Variants in RSU1 observed in about 807,000 individuals in gnomAD.
RSU1 encodes Ras suppressor protein 1, also known as rsu-1.
In RSU1, 26 loss-of-function variants were observed where a neutral mutation model predicts 31.1. The ratio of observed to expected loss-of-function variants is 0.84; its 90% confidence interval spans 0.61 to 1.16. RSU1 has a LOEUF of 1.16. RSU1 is among the 50% of genes most tolerant of loss of function. RSU1 has a pLI of 0.00. For missense variants in RSU1, 320 were observed against 339.1 expected (o/e 0.94, Z 0.44); for synonymous variants, 164 against 136.3 (o/e 1.20, Z -1.41).
chr10:16,748,832 C>T (rs1307241959), intron 7 of RSU1, among the ~76,000 whole-genome samples: 1 of 152,094 alleles, frequency 6.6e-6, no homozygotes, highest in African/African-American at 2.4e-5. Context: ...CTCTGATTAC[C>T]CGTTCCCCAG....
intron 7 of RSU1, chr10:16,721,775 T>G (rs1377319791): frequency 2.0e-5 from 3 of 152,182 alleles, no homozygotes; most frequent in Non-Finnish European, 1.5e-5. Context: ...ACATTGCCAT[T>G]AGAATCCCAG....
chr10:16,633,053 C>T (rs1332238877), intron 8 of RSU1, among the ~76,000 whole-genome samples: 1 of 152,112 alleles, frequency 6.6e-6, no homozygotes, highest in African/African-American at 2.4e-5. Flanking sequence ...CTGAGATGTT[C>T]TGGGTCAAAT....
At chr10:16,684,340 A>G (rs1835397696) in intron 8 of RSU1, among the ~76,000 whole-genome samples, 1 of 152,218 alleles carries the variant, frequency 6.6e-6, no homozygotes, top group African/African-American at 2.4e-5. Flanking sequence ...ATAAGAATTT[A>G]TGGTTAGTAG....
At chr10:16,730,104 G>A (rs1406885280) in intron 7 of RSU1, among the ~76,000 whole-genome samples, 2 of 152,168 alleles carry the variant, frequency 1.3e-5, no homozygotes, top group Non-Finnish European at 2.9e-5. Context: ...ATAGATGACA[G>A]CGAGAGGATG....
intron 8 of RSU1, among the ~76,000 whole-genome samples, chr10:16,644,504 A>G (rs1264722513): frequency 1.3e-5 from 2 of 152,224 alleles, no homozygotes; most frequent in Non-Finnish European, 2.9e-5. Flanking sequence ...GTGCTATAAC[A>G]GACTTTACAT....
intron 7 of RSU1, among the ~76,000 whole-genome samples, chr10:16,732,335 C>G (rs1836531574): frequency 6.6e-6 from 1 of 152,102 alleles, no homozygotes; most frequent in African/African-American, 2.4e-5. Context: ...TATGTTAAAG[C>G]CCTAAGTGCT....
At chr10:16,687,439 A>G (rs1347179150) in intron 8 of RSU1, among the ~76,000 whole-genome samples, 1 of 152,244 alleles carries the variant, frequency 6.6e-6, no homozygotes. Flanking sequence ...TGAATAAATT[A>G]TGAAAATGCA....
chr10:16,730,422 G>C (rs570364917), intron 7 of RSU1, among the ~76,000 whole-genome samples: 2 of 152,154 alleles, frequency 1.3e-5, no homozygotes, highest in African/African-American at 4.8e-5. Context: ...ATCAGAAGGC[G>C]TGAGAAGCCA....
intron 8 of RSU1, among the ~76,000 whole-genome samples, chr10:16,690,645 A>G (rs574430112): frequency 3.3e-5 from 5 of 152,344 alleles, no homozygotes; most frequent in African/African-American, 9.6e-5. Context: ...GGAGTCCATT[A>G]GAGCCTATAA....
chr10:16,614,354 G>A (rs941718968), intron 8 of RSU1, among the ~76,000 whole-genome samples: 8 of 151,944 alleles, frequency 5.3e-5, no homozygotes, highest in South Asian at 2.1e-4. Flanking sequence ...GATGGTGACC[G>A]GAGGCTGGAA....
At chr10:16,615,641 G>A (rs1038125540) in intron 8 of RSU1, among the ~76,000 whole-genome samples, 3 of 152,096 alleles carry the variant, frequency 2.0e-5, no homozygotes, top group African/African-American at 4.8e-5. Context: ...GAACTAAAAC[G>A]CTCCTCAGCA....
intron 7 of RSU1, among the ~76,000 whole-genome samples, chr10:16,750,394 C>G (rs1243722631): frequency 2.0e-5 from 3 of 151,192 alleles, no homozygotes; most frequent in Non-Finnish European, 4.4e-5. Context: ...CCTTCCCCCT[C>G]AATTCTACAC....
chr10:16,815,331 C>T (rs778896799), intron 2 of RSU1, among the ~76,000 whole-genome samples: 39 of 152,290 alleles, frequency 2.6e-4, no homozygotes, highest in Non-Finnish European at 5.4e-4. Flanking sequence ...TTCCTTCTGC[C>T]AAGACATATC....
intron 3 of RSU1, among the ~76,000 whole-genome samples, chr10:16,767,667 G>C (rs1837341247): frequency 6.6e-6 from 1 of 152,092 alleles, no homozygotes; most frequent in African/African-American, 2.4e-5. Flanking sequence ...CTTCTGGATG[G>C]GATGGTATTC....
At chr10:16,605,965 T>C (rs1833797924) in intron 8 of RSU1, among the ~76,000 whole-genome samples, 2 of 151,730 alleles carry the variant, frequency 1.3e-5, no homozygotes, top group Admixed American at 1.3e-4. Flanking sequence ...TGCCTAATTT[T>C]TTTTCATAAA....
At chr10:16,734,867 T>G (rs961937822) in intron 7 of RSU1, among the ~76,000 whole-genome samples, 1 of 152,144 alleles carries the variant, frequency 6.6e-6, no homozygotes, top group Non-Finnish European at 1.5e-5. Flanking sequence ...TGAGGTCATA[T>G]GAGTGGATCT....
At chr10:16,787,787 T>C (rs1837825403) in intron 2 of RSU1, among the ~76,000 whole-genome samples, 1 of 152,228 alleles carries the variant, frequency 6.6e-6, no homozygotes, top group Non-Finnish European at 1.5e-5. Context: ...GTGAGTCCAT[T>C]AAACCTCTCT....
intron 8 of RSU1, among the ~76,000 whole-genome samples, chr10:16,650,016 C>G (rs7920932): frequency 0.67 from 101,538 of 152,076 alleles, 34,712 homozygotes; most frequent in African/African-American, 0.82. Flanking sequence ...TCATCACTGA[C>G]AAACACAGTT....
At chr10:16,775,937 T>G (rs910234459) in intron 3 of RSU1, among the ~76,000 whole-genome samples, 5 of 152,260 alleles carry the variant, frequency 3.3e-5, no homozygotes, top group Non-Finnish European at 5.9e-5. Flanking sequence ...CAAGTTGTTT[T>G]GATATTGTCA....
Sources: allele counts gnomAD v4.1 joint callset (sites outside exome capture counted in the v4.1 genomes callset), GRCh38; gene constraint gnomAD v4.1.1; transcripts MANE v1.5; gene names NCBI Gene and HGNC (gene_info 2026-07-23, HGNC 2026-07-21).